Variants in KDM4C observed in about 807,000 individuals in gnomAD.
KDM4C encodes the protein lysine demethylase 4C, also known as lysine-specific demethylase 4C.
KDM4C carries 81 observed loss-of-function variants against 129.3 expected under a neutral mutation model. That is an observed-to-expected ratio of 0.63 (90% confidence interval 0.52 to 0.75). KDM4C has a LOEUF of 0.75. KDM4C is among the 30% of genes least tolerant of loss of function. The probability of loss-of-function intolerance (pLI) is 0.00; values close to 1 mark genes in which losing one functional copy is unlikely to be tolerated. For missense variants in KDM4C, 1,457 were observed against 1,304.0 expected (o/e 1.12, Z -1.81); for synonymous variants, 573 against 456.1 (o/e 1.26, Z -3.26).
At chr9:7,149,010 A>T (rs761618033) in intron 19 of KDM4C, among the ~76,000 whole-genome samples, 1 of 152,148 alleles carries the variant, frequency 6.6e-6, no homozygotes, top group African/African-American at 2.4e-5. Context: ...TTCACCAGGG[A>T]TCCCTCCCAT....
At chr9:7,082,443 C>A (rs1262494968) in intron 17 of KDM4C, among the ~76,000 whole-genome samples, 1 of 152,170 alleles carries the variant, frequency 6.6e-6, no homozygotes, top group East Asian at 1.9e-4. Flanking sequence ...TGCCACAAAC[C>A]ATCACTGGAT....
chr9:7,071,851 G>C (rs1457505580), intron 17 of KDM4C, among the ~76,000 whole-genome samples: 1 of 152,192 alleles, frequency 6.6e-6, no homozygotes, highest in African/African-American at 2.4e-5. Flanking sequence ...GAACACACCT[G>C]ATCTCATCTG....
chr9:6,814,662 G>C lies in KDM4C; in HGVS notation c.352G>C (p.Asp118His). ...YCTPRYLDYE[D>H]LERKYWKNLT... ...TACTCCAAGATACTTGGATTACGAA[G>C]ATTTGGAGCGCAAGTACTGGAAGAA... Residue 118 changes from aspartate (D) to histidine (H), a missense_variant, in exon 4 of 22, where the codon GAT becomes CAT. By Grantham distance (81) the Asp-to-His change is moderately conservative. Transcript: ENST00000381309. 1 of 1,607,736 alleles carries C rather than the reference G, an allele frequency of 6.2e-7. No individual in the cohort carries two copies. The highest frequency in any genetic ancestry group is 8.5e-7 in the Non-Finnish European group (1 of 1,176,978).
At chr9:6,911,684 A>C (rs1380980142) in intron 8 of KDM4C, among the ~76,000 whole-genome samples, 1 of 152,250 alleles carries the variant, frequency 6.6e-6, no homozygotes, top group African/African-American at 2.4e-5. Context: ...TCTCTAAAAT[A>C]AGTTATTATA....
chr9:6,865,692 G>C (rs923616209), intron 5 of KDM4C, among the ~76,000 whole-genome samples: 1 of 151,874 alleles, frequency 6.6e-6, no homozygotes, highest in African/African-American at 2.4e-5. Context: ...TCAGCCCTCC[G>C]TAGCTGGGAT....
In KDM4C at chr9:7,013,815, G is replaced by A. The variant is rs747218642; in HGVS notation, c.1996G>A (p.Ala666Thr). The change falls in exon 14 of 22, where the codon GCT becomes ACT. Residue 666 changes from alanine to threonine, a missense_variant. Transcript: ENST00000381309. ...KPDSSNEEND[A>T]RWETKLDEVV... ...AGATAGCAGCAATGAAGAAAATGATGCTAGATGGGAGACAAAATTAGATGA... is the reference window on the plus strand; with the variant it reads ...AGATAGCAGCAATGAAGAAAATGATACTAGATGGGAGACAAAATTAGATGA... 3 of 1,613,936 alleles carry A rather than the reference G, an allele frequency of 1.9e-6. No homozygotes were observed. The South Asian group carries it at 3.3e-5, about 18-fold the overall frequency.
chr9:7,033,495 T>G (rs1827130108), intron 15 of KDM4C, among the ~76,000 whole-genome samples: 1 of 152,168 alleles, frequency 6.6e-6, no homozygotes, highest in Middle Eastern at 3.2e-3. Context: ...TGGTAATAAT[T>G]ATTTCACTTT....
At chr9:6,724,148 T>A (rs1029933090) in intron 1 of KDM4C, 1 of 152,240 alleles carries the variant, frequency 6.6e-6, no homozygotes, top group Non-Finnish European at 1.5e-5. Flanking sequence ...TCCAGCAGGC[T>A]ATTCAGACTG....
intron 19 of KDM4C, among the ~76,000 whole-genome samples, chr9:7,138,307 T>C (rs1415525894): frequency 6.6e-6 from 1 of 152,254 alleles, no homozygotes; most frequent in East Asian, 1.9e-4. Context: ...CATCTAATTT[T>C]TTGCCTTTTA....
intron 1 of KDM4C, among the ~76,000 whole-genome samples, chr9:6,780,649 C>G (rs540104461): frequency 6.6e-6 from 1 of 151,642 alleles, no homozygotes; most frequent in Non-Finnish European, 1.5e-5. Context: ...CACCTGTAAT[C>G]CCAGCTACTT....
At chr9:6,920,196 G>T (rs925213326) in intron 8 of KDM4C, among the ~76,000 whole-genome samples, 1 of 152,094 alleles carries the variant, frequency 6.6e-6, no homozygotes, top group South Asian at 2.1e-4. Context: ...AATCATAGGG[G>T]TGTGGAAAGC....
At chr9:7,116,842 G>C (rs1488921189) in intron 18 of KDM4C, among the ~76,000 whole-genome samples, 1 of 152,140 alleles carries the variant, frequency 6.6e-6, no homozygotes, top group Non-Finnish European at 1.5e-5. Context: ...TAAGCAGTGT[G>C]TCTTTATAGG....
chr9:6,972,315 A>C (rs1333146096), intron 8 of KDM4C, among the ~76,000 whole-genome samples: 1 of 151,780 alleles, frequency 6.6e-6, no homozygotes, highest in Non-Finnish European at 1.5e-5. Flanking sequence ...AGAAAAAGAA[A>C]ACACACACAC....
chr9:6,940,472 C>T (rs1366355093), intron 8 of KDM4C, among the ~76,000 whole-genome samples: 1 of 152,214 alleles, frequency 6.6e-6, no homozygotes, highest in Non-Finnish European at 1.5e-5. Context: ...TGTCAACTTT[C>T]ATTTAATCCA....
At chr9:6,938,342 G>A (rs17511187) in intron 8 of KDM4C, among the ~76,000 whole-genome samples, 38,923 of 152,050 alleles carry the variant, frequency 0.26, 5,438 homozygotes, top group South Asian at 0.4. Flanking sequence ...TGATGACCCA[G>A]AGAGTGCAGC....
chr9:6,767,169 C>A (rs576166765), intron 1 of KDM4C, among the ~76,000 whole-genome samples: 1 of 151,636 alleles, frequency 6.6e-6, no homozygotes, highest in Non-Finnish European at 1.5e-5. Flanking sequence ...GATGGAGTCT[C>A]GCTGTGTCGC....
At chr9:6,813,252 C>A (rs997779955) in intron 3 of KDM4C, among the ~76,000 whole-genome samples, 1 of 152,138 alleles carries the variant, frequency 6.6e-6, no homozygotes, top group Non-Finnish European at 1.5e-5. Flanking sequence ...CCTAGGCAGA[C>A]CTTGAACTCC....
intron 1 of KDM4C, among the ~76,000 whole-genome samples, chr9:6,790,199 T>C (rs12115812): frequency 0.64 from 96,451 of 150,150 alleles, 31,287 homozygotes; most frequent in African/African-American, 0.72. Context: ...CCACCGCGCC[T>C]GGCCAAACTT....
chr9:6,863,067 G>T (rs1841255434), intron 5 of KDM4C, among the ~76,000 whole-genome samples: 1 of 151,596 alleles, frequency 6.6e-6, no homozygotes, highest in Non-Finnish European at 1.5e-5. Context: ...ATCAAATCAG[G>T]GTAACTGGGA....
Sources: gnomAD v4.1 joint callset for allele counts (sites outside exome capture counted in the v4.1 genomes callset) on GRCh38, gnomAD v4.1.1 for gene constraint, MANE v1.5 for transcripts, NCBI Gene and HGNC (gene_info 2026-07-23, HGNC 2026-07-21) for gene names.